The following TDRD3 variants were observed in gnomAD, a reference collection of about 807,000 sequenced individuals.
TDRD3 encodes the protein tudor domain-containing protein 3.
In TDRD3, 45 loss-of-function variants were observed where a neutral mutation model predicts 86.7. That is an observed-to-expected ratio of 0.52 (90% CI 0.41 to 0.67). The LOEUF (loss-of-function observed/expected upper bound fraction) is 0.67. TDRD3 is among the 30% of genes least tolerant of loss of function. The probability of loss-of-function intolerance (pLI) is 0.00; values close to 1 mark genes in which losing one functional copy is unlikely to be tolerated. For missense variants in TDRD3, 814 were observed against 889.0 expected, an observed-to-expected ratio of 0.92 and a Z score of 1.07; for synonymous variants, 298 against 301.7, an observed-to-expected ratio of 0.99 and a Z score of 0.13.
chr13:60,448,803 AT>A (rs1268757460), intron 3 of TDRD3, among the ~76,000 whole-genome samples: 3 of 152,162 alleles, frequency 2.0e-5, no homozygotes, highest in Non-Finnish European at 4.4e-5. Context: ...ACTGTTTAAT[AT>A]TCTTCCCCAA....
chr13:60,425,553 G>C (rs1302706385), intron 1 of TDRD3, among the ~76,000 whole-genome samples: 6 of 152,128 alleles, frequency 3.9e-5, no homozygotes, highest in African/African-American at 1.4e-4. Flanking sequence ...AAAGATATTT[G>C]CACTTCCAAG....
intron 13 of TDRD3, 26 bp from the exon 14 acceptor site, chr13:60,573,590 A>G (rs1010205547): frequency 1.0e-6 from 1 of 984,932 alleles, no homozygotes; most frequent in Non-Finnish European, 1.2e-6. Flanking sequence ...CTTCAATTTC[A>G]TTTTCTTCAT....
chr13:60,410,559 T>C (rs956435021), intron 1 of TDRD3, among the ~76,000 whole-genome samples: 16 of 152,192 alleles, frequency 1.1e-4, no homozygotes, highest in African/African-American at 3.9e-4. Flanking sequence ...TGCAAGTTGA[T>C]ATTCAGGGGC....
In TDRD3 at chr13:60,528,965, T is replaced by A. The variant is rs139272347; in HGVS notation, c.1740T>A (p.Ser580Arg). 1.2e-6 allele frequency: 2 copies of A among 1,613,838 alleles called. No individual in the cohort carries two copies. Among genetic ancestry groups the A allele is most frequent in the African/African-American group, 2.7e-5 (2 of 74,884 alleles). ...VNTDYQNPVR[S>R]NSFIGVPNGE... ...CTGATTATCAGAATCCAGTTCGAAG[T>A]AATAGTTTCATTGGTGTTCCAAATG... The change falls in exon 11 of 14, where the codon AGT (serine) becomes AGA (arginine). Residue 580 changes from serine (S) to arginine (R), a missense_variant. By Grantham distance (110) the Ser-to-Arg change is moderately radical (BLOSUM62 -1). Coordinates refer to ENST00000377881, the MANE Select transcript of TDRD3 (RefSeq NM_001146070.2).
intron 5 of TDRD3, among the ~76,000 whole-genome samples, chr13:60,483,238 T>C (rs1465488784): frequency 6.6e-6 from 1 of 152,116 alleles, no homozygotes; most frequent in African/African-American, 2.4e-5. Context: ...TGAATTGTTT[T>C]GCAAAACAAA....
At chr13:60,418,236 A>G (rs1041086538) in intron 1 of TDRD3, among the ~76,000 whole-genome samples, 3 of 151,902 alleles carry the variant, frequency 2.0e-5, no homozygotes, top group Non-Finnish European at 4.4e-5. Context: ...CCACTGTACC[A>G]TTTCTGATCT....
chr13:60,397,321 A>AACCC lies in TDRD3; in HGVS notation c.-44_-43insACCC. ...GTCTCAAGTAGGAGGCCTCCCCATC[A>AACCC]CCCCCACCCCAGCCCCCCACCACCC... On this transcript the variant is annotated 5_prime_UTR_variant, in exon 1 of 14. It removes the in-frame stop codon of an upstream open reading frame in the 5' UTR. Coordinates refer to ENST00000377881, the MANE Select transcript of TDRD3 (RefSeq NM_001146070.2). 2 of 1,113,168 alleles carry AACCC rather than the reference A, an allele frequency of 1.8e-6. No individual in the cohort carries two copies. The highest frequency in any genetic ancestry group is 2.4e-6 in the Non-Finnish European group (2 of 829,456). 69.0% of individuals were successfully genotyped at this position (1,113,168 alleles called of 1,614,324 possible).
intron 1 of TDRD3, among the ~76,000 whole-genome samples, chr13:60,427,323 A>C (rs184611887): frequency 6.6e-6 from 1 of 151,700 alleles, no homozygotes; most frequent in Non-Finnish European, 1.5e-5. Context: ...TTTGTAGTGC[A>C]TATTAATAGT....
chr13:60,513,754 A>G (rs1957108649), intron 10 of TDRD3, among the ~76,000 whole-genome samples: 1 of 152,182 alleles, frequency 6.6e-6, no homozygotes, highest in Non-Finnish European at 1.5e-5. Flanking sequence ...CCATCCACAT[A>G]AGATGTGACT....
intron 5 of TDRD3, among the ~76,000 whole-genome samples, chr13:60,470,314 T>A (rs889712483): frequency 1.3e-5 from 2 of 152,174 alleles, no homozygotes; most frequent in Non-Finnish European, 2.9e-5. Context: ...TTAAGTCTTA[T>A]GAATAATGCT....
At chr13:60,397,844 C>G (rs1953975847) in intron 1 of TDRD3, among the ~76,000 whole-genome samples, 1 of 152,084 alleles carries the variant, frequency 6.6e-6, no homozygotes, top group African/African-American at 2.4e-5. Flanking sequence ...ACGAACGCGG[C>G]CGGAGCCCGC....
At chr13:60,550,344 G>T (rs1958019737) in intron 12 of TDRD3, among the ~76,000 whole-genome samples, 1 of 152,008 alleles carries the variant, frequency 6.6e-6, no homozygotes, top group Non-Finnish European at 1.5e-5. Context: ...TAAATGTCTT[G>T]GAACATGCAG....
At chr13:60,561,486 C>T (rs1958332125) in intron 12 of TDRD3, among the ~76,000 whole-genome samples, 2 of 152,126 alleles carry the variant, frequency 1.3e-5, no homozygotes, top group African/African-American at 4.8e-5. Context: ...CAAAGGGGTA[C>T]TGCTCACAAA....
chr13:60,566,868 A>G (rs1958472253), intron 12 of TDRD3, among the ~76,000 whole-genome samples: 1 of 152,174 alleles, frequency 6.6e-6, no homozygotes, highest in Non-Finnish European at 1.5e-5. Context: ...AGATATACCC[A>G]CTCAGTAAGA....
chr13:60,466,165 T>G (rs540660139), intron 4 of TDRD3, among the ~76,000 whole-genome samples: 2 of 149,548 alleles, frequency 1.3e-5, no homozygotes, highest in African/African-American at 5.1e-5. Flanking sequence ...GATCTTTGAC[T>G]TGATGGTGAA....
chr13:60,521,927 A>G lies in TDRD3; in HGVS notation c.1142-6440A>G, dbSNP rs1179640936. 2.0e-5 allele frequency among the ~76,000 whole-genome samples: 3 copies of G among 152,140 alleles called. No individual in the cohort carries two copies. The East Asian group carries it at 5.8e-4, about 29-fold the overall frequency. On this transcript the variant is annotated intron_variant, in intron 10 of 13. Transcript: ENST00000377881. The stretch of plus-strand genomic sequence containing the variant: ...AAAAAAGAAAGTGTATGAATTATAT[A>G]AAAAAGAGTAACCTCCAAAACTGAA...
intron 1 of TDRD3, among the ~76,000 whole-genome samples, chr13:60,410,290 C>A (rs548562490): frequency 6.6e-6 from 1 of 152,182 alleles, no homozygotes; most frequent in South Asian, 2.1e-4. Flanking sequence ...ATGCTAGGGC[C>A]TTTAATGAGG....
At chr13:60,481,349 G>GTTTTTTTT (rs796837758) in intron 5 of TDRD3, among the ~76,000 whole-genome samples, 11 of 137,372 alleles carry the variant, frequency 8.0e-5, no homozygotes, top group Non-Finnish European at 1.3e-4. Context: ...CCCTCTTTGT[G>GTTTTTTTT]TTTTTTTTTT....
intron 10 of TDRD3, 47 bp downstream of exon 10, chr13:60,510,802 C>A: frequency 3.8e-5 from 46 of 1,203,974 alleles, no homozygotes; most frequent in Non-Finnish European, 4.2e-5. Context: ...TCTTTTCTTT[C>A]TTTTTTTTTT....
Sources: allele counts gnomAD v4.1 joint callset (sites outside exome capture counted in the v4.1 genomes callset), GRCh38; gene constraint gnomAD v4.1.1; transcripts MANE v1.5; gene names NCBI Gene and HGNC (gene_info 2026-07-23, HGNC 2026-07-21).